TENM2: variants seen among roughly 807,000 people sequenced by gnomAD.
The protein encoded by TENM2 is teneurin-2.
TENM2 carries 52 observed loss-of-function variants against 245.2 expected under a neutral mutation model. The ratio of observed to expected loss-of-function variants is 0.21; its 90% CI spans 0.17 to 0.27. The LOEUF (loss-of-function observed/expected upper bound fraction) is 0.27, where lower values mean the gene tolerates loss of function less well. Among genes scored for constraint, TENM2 ranks in the 10% least tolerant of loss-of-function variants. The pLI, the probability that TENM2 is intolerant of heterozygous loss-of-function variation, is 1.00. For missense variants in TENM2, 3,046 were observed against 3,666.8 expected (o/e 0.83, Z 4.37); for synonymous variants, 1,363 against 1,438.9 (o/e 0.95, Z 1.19).
chr5:166,998,455 G>C, the TENM2 span, among the ~76,000 whole-genome samples: 2 of 152,166 alleles, frequency 1.3e-5, no homozygotes, highest in South Asian at 2.1e-4. Context: ...AGACTTTAAC[G>C]TAACTACCAT....
intron 2 of TENM2, among the ~76,000 whole-genome samples, chr5:167,859,529 G>A (rs1771494757): frequency 2.9e-5 from 3 of 104,094 alleles, no homozygotes; most frequent in South Asian, 4.0e-4. Context: ...CCCCCCACCC[G>A]GCCAGCCGCC....
the TENM2 span, among the ~76,000 whole-genome samples, chr5:167,199,097 T>TA: frequency 0.053 from 4,190 of 79,180 alleles, 124 homozygotes; most frequent in Middle Eastern, 0.087. Flanking sequence ...TGATATGAAG[T>TA]AAAAAAAAAA....
At chr5:167,649,895 T>C (rs78545013) in intron 2 of TENM2, among the ~76,000 whole-genome samples, 2,871 of 152,354 alleles carry the variant, frequency 0.019, 38 homozygotes, top group East Asian at 0.04. Flanking sequence ...TATGCATGTA[T>C]GTTTTCTAGT....
chr5:167,649,708 CTG>C (rs1754315230), intron 2 of TENM2, among the ~76,000 whole-genome samples: 1 of 152,124 alleles, frequency 6.6e-6, no homozygotes, highest in Non-Finnish European at 1.5e-5. Context: ...GTTACTCAGA[CTG>C]TCATCATTGT....
the TENM2 span, among the ~76,000 whole-genome samples, chr5:167,271,731 A>G: frequency 6.6e-6 from 1 of 152,160 alleles, no homozygotes; most frequent in East Asian, 1.9e-4. Context: ...GGACCTTAAC[A>G]GATTCTAAAA....
At chr5:167,935,713 A>C (rs1683570451) in intron 3 of TENM2, among the ~76,000 whole-genome samples, 2 of 152,270 alleles carry the variant, frequency 1.3e-5, no homozygotes, top group Admixed American at 6.5e-5. Flanking sequence ...AAGATGAGAA[A>C]GCCTCTGCTA....
chr5:167,076,228 T>C, the TENM2 span, among the ~76,000 whole-genome samples: 1 of 152,180 alleles, frequency 6.6e-6, no homozygotes, highest in South Asian at 2.1e-4. Context: ...ATTCTTATAG[T>C]TCTAGGGCAG....
the TENM2 span, among the ~76,000 whole-genome samples, chr5:167,154,564 C>T: frequency 4.6e-5 from 7 of 152,094 alleles, no homozygotes; most frequent in Non-Finnish European, 7.4e-5. Context: ...TCTGATAAAT[C>T]GAGGACAGAT....
At chr5:167,988,344 C>A (rs72824964) in intron 4 of TENM2, among the ~76,000 whole-genome samples, 1 of 152,042 alleles carries the variant, frequency 6.6e-6, no homozygotes, top group Non-Finnish European at 1.5e-5. Flanking sequence ...TGACAGGATG[C>A]GGCGTGAACA....
intron 2 of TENM2, among the ~76,000 whole-genome samples, chr5:167,540,580 A>G (rs1160050941): frequency 6.6e-6 from 1 of 152,190 alleles, no homozygotes; most frequent in African/African-American, 2.4e-5. Flanking sequence ...GTTGCGACAG[A>G]GACCATATGG....
intron 2 of TENM2, among the ~76,000 whole-genome samples, chr5:167,865,092 C>T (rs946599191): frequency 2.6e-5 from 4 of 152,176 alleles, no homozygotes; most frequent in African/African-American, 9.7e-5. Flanking sequence ...AAGAAAACAG[C>T]TCAATGTATC....
chr5:167,515,667 ATG>A (rs142565582), intron 2 of TENM2, among the ~76,000 whole-genome samples: 10,835 of 55,990 alleles, frequency 0.19, 968 homozygotes, highest in Non-Finnish European at 0.26. Flanking sequence ...ATACGTATAT[ATG>A]TGTATATATA....
At chr5:167,431,754 G>A (rs1437211011) in intron 2 of TENM2, among the ~76,000 whole-genome samples, 1 of 151,412 alleles carries the variant, frequency 6.6e-6, no homozygotes, top group Non-Finnish European at 1.5e-5. Context: ...ACCACCCAGT[G>A]TTTTTTAAAA....
chr5:167,105,712 C>A, the TENM2 span, among the ~76,000 whole-genome samples: 2 of 150,036 alleles, frequency 1.3e-5, no homozygotes, highest in African/African-American at 4.9e-5. Flanking sequence ...AACGGTGAAA[C>A]CCCGTCTCTA....
At chr5:167,471,390 AAG>A (rs1767019533) in intron 2 of TENM2, among the ~76,000 whole-genome samples, 3 of 152,218 alleles carry the variant, frequency 2.0e-5, no homozygotes, top group African/African-American at 7.2e-5. Context: ...GTTTTCTAAA[AAG>A]GAATAAAATA....
intron 3 of TENM2, among the ~76,000 whole-genome samples, chr5:167,950,492 A>G (rs1780001122): frequency 1.3e-5 from 2 of 152,084 alleles, no homozygotes; most frequent in African/African-American, 4.8e-5. Context: ...GGAGATGGAA[A>G]GTTAGGACTT....
intron 5 of TENM2, among the ~76,000 whole-genome samples, chr5:168,024,439 G>T (rs766396927): frequency 6.6e-6 from 1 of 152,158 alleles, no homozygotes; most frequent in Non-Finnish European, 1.5e-5. Flanking sequence ...CTTTCCCTTT[G>T]CTCAGCCTTT....
intron 2 of TENM2, among the ~76,000 whole-genome samples, chr5:167,772,492 C>T (rs1002666723): frequency 6.6e-6 from 1 of 152,060 alleles, no homozygotes; most frequent in Non-Finnish European, 1.5e-5. Context: ...TGGGCATTCT[C>T]CTAGGTTTCC....
chr5:167,342,713 G>A (rs1285130215), intron 1 of TENM2, among the ~76,000 whole-genome samples: 84 of 148,014 alleles, frequency 5.7e-4, no homozygotes, highest in South Asian at 8.7e-4. Flanking sequence ...ATTTTTAGTA[G>A]AGACGGGGTT....
Sources: gnomAD v4.1 joint callset for allele counts (sites outside exome capture counted in the v4.1 genomes callset) on GRCh38, gnomAD v4.1.1 for gene constraint, MANE v1.5 for transcripts, NCBI Gene and HGNC (gene_info 2026-07-23, HGNC 2026-07-21) for gene names.